Variants in PPP1R13B observed in about 807,000 individuals in gnomAD.
PPP1R13B encodes the protein apoptosis-stimulating of p53 protein 1.
PPP1R13B carries 44 observed loss-of-function variants against 119.8 expected under a neutral mutation model. That is an observed-to-expected ratio of 0.37 (90% CI 0.29 to 0.47). PPP1R13B has a LOEUF of 0.47. PPP1R13B is among the 20% of genes least tolerant of loss of function. The probability of loss-of-function intolerance (pLI) is 0.99; values close to 1 mark genes in which losing one functional copy is unlikely to be tolerated. For synonymous variants in PPP1R13B, 542 were observed against 561.5 expected, an observed-to-expected ratio of 0.97 and a Z score of 0.49; for missense variants, 1,227 against 1,413.5, an observed-to-expected ratio of 0.87 and a Z score of 2.12.
intron 15 of PPP1R13B, 67 bp downstream of exon 15, chr14:103,737,627 G>A: frequency 6.5e-7 from 1 of 1,539,868 alleles, no homozygotes; most frequent in South Asian, 1.2e-5. Flanking sequence ...TCTGGCACCG[G>A]CTGACTGTTG....
In PPP1R13B at chr14:103,795,243, C is replaced by T. The variant is rs542540427; in HGVS notation, c.157+2128G>A. Among the ~76,000 whole-genome samples, 16 of 152,190 alleles carry T rather than the reference C, an allele frequency of 1.1e-4. 1 individual carries two copies. The highest frequency in any genetic ancestry group is 3.9e-4 in the African/African-American group (16 of 41,544). On this transcript the variant is annotated intron_variant, in intron 2 of 16. Transcript: ENST00000202556. Reference sequence around the variant, plus strand: ...AAGAGCCACCGTGCCCGACCTGTATCATGTTTTGATAAATACAACGACAGT... The same window carrying T: ...AAGAGCCACCGTGCCCGACCTGTATTATGTTTTGATAAATACAACGACAGT...
intron 1 of PPP1R13B, among the ~76,000 whole-genome samples, chr14:103,821,103 T>C (rs1049616311): frequency 4.6e-5 from 7 of 152,150 alleles, no homozygotes; most frequent in African/African-American, 1.4e-4. Context: ...GATGAGGAAG[T>C]AGAAGCCCAG....
At chr14:103,823,963 T>C (rs925114793) in intron 1 of PPP1R13B, among the ~76,000 whole-genome samples, 28 of 150,834 alleles carry the variant, frequency 1.9e-4, no homozygotes, top group African/African-American at 6.6e-4. Flanking sequence ...TTTTTCACAA[T>C]GAGGCCACAT....
chr14:103,745,171 T>C (rs2084356374), intron 9 of PPP1R13B, among the ~76,000 whole-genome samples: 1 of 152,132 alleles, frequency 6.6e-6, no homozygotes, highest in Non-Finnish European at 1.5e-5. Flanking sequence ...GGGATCTGAG[T>C]GGGGGCTTGT....
chr14:103,735,968 C>T, intron 16 of PPP1R13B, 35 bp downstream of exon 16: 1 of 1,609,982 alleles, frequency 6.2e-7, no homozygotes, highest in South Asian at 1.1e-5. Flanking sequence ...GAGACACGGG[C>T]AGCTAGTTTC....
In PPP1R13B at chr14:103,734,189, CCT is replaced by C. The variant is rs1380765777; in HGVS notation, c.*963_*964del. 7.9e-6 allele frequency: 2 copies of C among 254,212 alleles called. No homozygotes were observed. The highest frequency in any genetic ancestry group is 1.6e-5 in the Non-Finnish European group (2 of 125,100). The allele number at this position is 254,212 out of a possible 1,614,324, so 15.7% of individuals were successfully genotyped here. On this transcript the variant is annotated 3_prime_UTR_variant, in exon 17 of 17. Transcript: ENST00000202556. The stretch of plus-strand genomic sequence containing the variant: ...GGGAGATCGGCAGAGAGGGGTGGCC[CCT>C]GACCCCAGCTCCTCTGCCCCAGCTG...
At chr14:103,829,240 G>A (rs891416137) in intron 1 of PPP1R13B, among the ~76,000 whole-genome samples, 1 of 152,066 alleles carries the variant, frequency 6.6e-6, no homozygotes, top group Non-Finnish European at 1.5e-5. Flanking sequence ...TGTTAATGTT[G>A]CAGCGAACAA....
intron 1 of PPP1R13B, among the ~76,000 whole-genome samples, chr14:103,827,665 TATAA>T (rs1418398938): frequency 6.7e-6 from 1 of 149,130 alleles, no homozygotes; most frequent in Admixed American, 6.7e-5. Context: ...ACTATAGATA[TATAA>T]ATATAGATAT....
intron 5 of PPP1R13B, among the ~76,000 whole-genome samples, chr14:103,754,956 AT>A (rs1172503367): frequency 6.6e-6 from 1 of 151,454 alleles, no homozygotes; most frequent in East Asian, 1.9e-4. Flanking sequence ...ATTTTTTTGT[AT>A]TTTTTTAGTA....
chr14:103,765,986 T>TTTATTATTATTATTATTA (rs56171368), intron 4 of PPP1R13B, among the ~76,000 whole-genome samples: 30 of 139,060 alleles, frequency 2.2e-4, no homozygotes, highest in African/African-American at 4.4e-4. Flanking sequence ...AAATTTTTAT[T>TTTATTATTATTATTATTA]TTATTATTAT....
At chr14:103,835,876 G>A (rs1490600671) in intron 1 of PPP1R13B, among the ~76,000 whole-genome samples, 7 of 150,330 alleles carry the variant, frequency 4.7e-5, no homozygotes, top group Admixed American at 2.7e-4. Context: ...CCCAAAGTGC[G>A]GGATTACAGG....
chr14:103,831,352 C>T (rs1323028729), intron 1 of PPP1R13B, among the ~76,000 whole-genome samples: 2 of 150,276 alleles, frequency 1.3e-5, no homozygotes, highest in Non-Finnish European at 3.0e-5. Context: ...CTCTGTCACC[C>T]AGGCTGGAGT....
At chr14:103,817,173 T>C (rs1357761618) in intron 1 of PPP1R13B, among the ~76,000 whole-genome samples, 2 of 152,200 alleles carry the variant, frequency 1.3e-5, no homozygotes, top group Non-Finnish European at 2.9e-5. Context: ...TCAGGCCTTG[T>C]GGAATCTAAA....
In PPP1R13B at chr14:103,740,700, A is replaced by G; in HGVS notation, c.1823-107T>C. 1.1e-6 allele frequency: 1 copy of G among 913,964 alleles called. No homozygotes were observed. The highest frequency in any genetic ancestry group is 3.8e-5 in the South Asian group (1 of 26,596). 56.6% of individuals were successfully genotyped at this position (913,964 alleles called of 1,614,324 possible). The stretch of plus-strand genomic sequence containing the variant: ...GGCTCCTGCAAAGACACACATATAC[A>G]TCTGCTGCTGTTATTCAATTCTCAT... On this transcript the variant is annotated intron_variant, in intron 11 of 16. Coordinates refer to ENST00000202556, the MANE Select transcript of PPP1R13B (RefSeq NM_015316.3). This position sits in a 1 kb window ranked among gnomAD's most constrained non-coding sequence, Gnocchi z 4.6.
chr14:103,835,238 T>C (rs2086748871), intron 1 of PPP1R13B, among the ~76,000 whole-genome samples: 1 of 152,136 alleles, frequency 6.6e-6, no homozygotes, highest in South Asian at 2.1e-4. Context: ...TCCTCCTACC[T>C]TGGCCTCCTG....
intron 1 of PPP1R13B, among the ~76,000 whole-genome samples, chr14:103,810,891 C>T (rs900613714): frequency 1.8e-4 from 27 of 150,268 alleles, no homozygotes; most frequent in African/African-American, 6.1e-4. Flanking sequence ...GAGTTCAAGA[C>T]CAGCCTGGGC....
At chr14:103,800,230 C>G (rs776426926) in intron 1 of PPP1R13B, among the ~76,000 whole-genome samples, 2 of 152,020 alleles carry the variant, frequency 1.3e-5, no homozygotes, top group Non-Finnish European at 2.9e-5. Context: ...GTGGGAGGAT[C>G]ACTTGATCCC....
chr14:103,790,503 A>G (rs1000244106), intron 2 of PPP1R13B, among the ~76,000 whole-genome samples: 1 of 151,870 alleles, frequency 6.6e-6, no homozygotes, highest in Non-Finnish European at 1.5e-5. Flanking sequence ...GGCCCAAGAC[A>G]TGGTGGCCCA....
intron 1 of PPP1R13B, among the ~76,000 whole-genome samples, chr14:103,833,623 A>G (rs909469771): frequency 2.6e-5 from 4 of 152,130 alleles, no homozygotes; most frequent in African/African-American, 9.7e-5. Flanking sequence ...AGCCTGGGTG[A>G]CAGAGCGAGA....
Sources: gnomAD v4.1 joint callset for allele counts (sites outside exome capture counted in the v4.1 genomes callset) on GRCh38, gnomAD v4.1.1 for gene constraint, Gnocchi (gnomAD v3.1) non-coding constraint, MANE v1.5 for transcripts, NCBI Gene and HGNC (gene_info 2026-07-23, HGNC 2026-07-21) for gene names.